Variants in PCDHGA6 observed in about 807,000 individuals in gnomAD.
PCDHGA6 encodes the protein protocadherin gamma subfamily A, 6.
PCDHGA6 carries 41 observed loss-of-function variants against 60.6 expected under a neutral mutation model. That is an observed-to-expected ratio of 0.68 (90% confidence interval 0.53 to 0.88). The LOEUF (loss-of-function observed/expected upper bound fraction) is 0.88. Ranked by LOEUF, PCDHGA6 falls within the 40% of genes least tolerant of loss-of-function variation. PCDHGA6 has a pLI of 0.00. For synonymous variants in PCDHGA6, 594 were observed against 524.4 expected (o/e 1.13, Z -1.81); for missense variants, 1,312 against 1,203.0 (o/e 1.09, Z -1.34).
intron 1 of PCDHGA6, chr5:141,383,056 G>A (rs768364409): frequency 4.3e-6 from 7 of 1,613,906 alleles, no homozygotes; most frequent in Non-Finnish European, 5.9e-6. Context: ...CAAGGACCTG[G>A]GGCTGGAGCC....
At chr5:141,469,362 G>C (rs915161729) in intron 1 of PCDHGA6, among the ~76,000 whole-genome samples, 14 of 152,084 alleles carry the variant, frequency 9.2e-5, no homozygotes, top group Non-Finnish European at 7.4e-5. Flanking sequence ...GGATCATGAG[G>C]TAAAGAGATC....
In PCDHGA6 at chr5:141,485,313, A is replaced by G. The variant is rs758628263; in HGVS notation, c.2425-9494A>G. On this transcript the variant is annotated intron_variant, in intron 1 of 3. Transcript: ENST00000517434. The surrounding 1 kb of genome is among the most constrained non-coding windows in gnomAD (Gnocchi z 5.7). Reference sequence around the variant, plus strand: ...TCACAGGAAGGGACTTTTGTAGGGAATGTCGCTCAAGATTTCCTGCTGGAT... The same window carrying G: ...TCACAGGAAGGGACTTTTGTAGGGAGTGTCGCTCAAGATTTCCTGCTGGAT... 1.2e-6 allele frequency: 2 copies of G among 1,614,186 alleles called. No individual in the cohort carries two copies. Among genetic ancestry groups the G allele is most frequent in the African/African-American group, 1.3e-5 (1 of 75,054 alleles).
At position 141,400,963 on chromosome 5, in the gene PCDHGA6, ATC is replaced by A. The variant is rs563949563; in HGVS notation, c.2424+24460_2424+24461del. ...TTCACTGATTTCACTGGTAGTTTTC[ATC>A]TCTTTCTTATGTTCCTCATATATGC... is the stretch of plus-strand genomic sequence containing the variant. On this transcript the variant is annotated intron_variant, in intron 1 of 3. Coordinates refer to ENST00000517434, the MANE Select transcript of PCDHGA6 (RefSeq NM_018919.3). 3.8e-3 allele frequency among the ~76,000 whole-genome samples: 582 copies of A among 152,338 alleles called. 6 individuals carry two copies. Among genetic ancestry groups the A allele is most frequent in the Admixed American group, 0.011 (171 of 15,304 alleles).
chr5:141,468,868 AAATAAT>A (rs993655754), intron 1 of PCDHGA6, among the ~76,000 whole-genome samples: 1 of 151,794 alleles, frequency 6.6e-6, no homozygotes, highest in Non-Finnish European at 1.5e-5. Context: ...TCCATCTCAA[AAATAAT>A]AATAATAATA....
chr5:141,430,639 A>T, intron 1 of PCDHGA6: 1 of 900,712 alleles, frequency 1.1e-6, no homozygotes. Flanking sequence ...CATCCCTGGG[A>T]GTATGTGGAA....
intron 1 of PCDHGA6, chr5:141,412,431 G>GTTAA (rs1478574285): frequency 6.6e-6 from 1 of 152,132 alleles, no homozygotes; most frequent in African/African-American, 2.4e-5. Context: ...ACACAAAAAG[G>GTTAA]TTAATTAAGG....
chr5:141,431,003 G>T lies in PCDHGA6; in HGVS notation c.2424+54496G>T, dbSNP rs2097334899. ...GCTTTTCGCCCTGAATCCGCGCAGC[G>T]GCAGCTTGGTCACGGCGGGCAGGAT... On this transcript the variant is annotated intron_variant, in intron 1 of 3. Coordinates refer to ENST00000517434, the MANE Select transcript of PCDHGA6 (RefSeq NM_018919.3). This position sits in a 1 kb window ranked among gnomAD's most constrained non-coding sequence, Gnocchi z 4.8. 1.9e-6 allele frequency: 3 copies of T among 1,613,960 alleles called. No homozygotes were observed. The highest frequency in any genetic ancestry group is 2.5e-6 in the Non-Finnish European group (3 of 1,179,982).
chr5:141,432,374 C>A lies in PCDHGA6; in HGVS notation c.2424+55867C>A. 2.5e-6 allele frequency: 4 copies of A among 1,614,240 alleles called. No individual in the cohort carries two copies. Among genetic ancestry groups the A allele is most frequent in the Non-Finnish European group, 3.4e-6 (4 of 1,180,042 alleles). On this transcript the variant is annotated intron_variant, in intron 1 of 3. Coordinates refer to ENST00000517434, the MANE Select transcript of PCDHGA6 (RefSeq NM_018919.3). This position sits in a 1 kb window ranked among gnomAD's most constrained non-coding sequence, Gnocchi z 6.0. ...GAAAGTGATGGCGCGGGACAACGGG[C>A]ACCCGCCCCTCAGCAGCAACGTGTC...
chr5:141,391,929 T>C (rs1035871197), intron 1 of PCDHGA6: 1 of 152,214 alleles, frequency 6.6e-6, no homozygotes, highest in African/African-American at 2.4e-5. Flanking sequence ...ATCTGTACCT[T>C]TCAAGTATTC....
At chr5:141,400,341 C>T in intron 1 of PCDHGA6, 7 of 1,614,070 alleles carry the variant, frequency 4.3e-6, no homozygotes, top group Non-Finnish European at 5.9e-6. Flanking sequence ...TTCCCCCCAA[C>T]TACAGTCAGG....
intron 1 of PCDHGA6, chr5:141,420,083 A>C (rs2096465782): frequency 2.5e-6 from 4 of 1,614,020 alleles, no homozygotes; most frequent in Non-Finnish European, 3.4e-6. Context: ...GGGTCCCCCC[A>C]ACTACAGTGA....
intron 1 of PCDHGA6, chr5:141,478,583 C>CT (rs754743497): frequency 5.7e-6 from 9 of 1,578,146 alleles, no homozygotes; most frequent in South Asian, 1.1e-5. Flanking sequence ...CCTGTTAGTG[C>CT]TTTTTTATTC....
chr5:141,421,047 C>G, intron 1 of PCDHGA6: 1 of 552,794 alleles, frequency 1.8e-6, no homozygotes, highest in Middle Eastern at 4.8e-4. Flanking sequence ...CCTCCCCCGC[C>G]TCTACCACAC....
At chr5:141,382,969 T>G in intron 1 of PCDHGA6, 2 of 1,609,418 alleles carry the variant, frequency 1.2e-6, no homozygotes, top group Non-Finnish European at 8.5e-7. Context: ...GGGGACCCCC[T>G]GGGAAGCCTG....
At position 141,424,020 on chromosome 5, in the gene PCDHGA6, C is replaced by A. The variant is rs1326303938; in HGVS notation, c.2424+47513C>A. ...TATATAGATACAAATTAATGATTCA[C>A]AAACACTTTTTATTTCCATTTCAAT... On this transcript the variant is annotated intron_variant, in intron 1 of 3. Coordinates refer to ENST00000517434, the MANE Select transcript of PCDHGA6 (RefSeq NM_018919.3). 3 of 1,050,122 alleles carry A rather than the reference C, an allele frequency of 2.9e-6. No individual in the cohort carries two copies. In the East Asian group the frequency reaches 2.2e-4, roughly 77 times the overall value. The allele number at this position is 1,050,122 out of a possible 1,614,324, so 65.1% of individuals were successfully genotyped here. A position where few individuals can be genotyped will look rare whatever the true frequency, so the allele number is the denominator to read the frequency against.
intron 1 of PCDHGA6, among the ~76,000 whole-genome samples, chr5:141,402,647 A>C (rs2094289901): frequency 6.6e-6 from 1 of 152,250 alleles, no homozygotes; most frequent in Non-Finnish European, 1.5e-5. Flanking sequence ...TCATAATTAG[A>C]AGAGAGTAGT....
chr5:141,410,352 G>T (rs754268147), intron 1 of PCDHGA6: 4 of 1,614,022 alleles, frequency 2.5e-6, no homozygotes, highest in South Asian at 2.2e-5. Flanking sequence ...CGCCTGCGAC[G>T]CTCTCTCAGC....
chr5:141,491,726 C>T lies in PCDHGA6; in HGVS notation c.2425-3081C>T. On this transcript the variant is annotated intron_variant, in intron 1 of 3. Transcript: ENST00000517434. This position sits in a 1 kb window ranked among gnomAD's most constrained non-coding sequence, Gnocchi z 6.9. ...GTGAGGGGCTCGGCGCCGCCCCGGG[C>T]GACCCCTGGGGGCGGCACTGGAGAA... The T allele has an allele frequency of 6.2e-7, 1 of 1,605,884 alleles. No individual in the cohort carries two copies. Among genetic ancestry groups the T allele is most frequent in the East Asian group, 2.2e-5 (1 of 44,600 alleles).
In PCDHGA6 at chr5:141,477,085, G is replaced by A. The variant is rs1420972762; in HGVS notation, c.2425-17722G>A. On this transcript the variant is annotated intron_variant, in intron 1 of 3. Coordinates refer to ENST00000517434, the MANE Select transcript of PCDHGA6 (RefSeq NM_018919.3). This position sits in a 1 kb window ranked among gnomAD's most constrained non-coding sequence, Gnocchi z 4.9. ...CCAAACTCCATGAGATTTACATCCAGGCCAAAGACAAGGGCGCCAATCCCG... is the reference window on the plus strand; with the variant it reads ...CCAAACTCCATGAGATTTACATCCAAGCCAAAGACAAGGGCGCCAATCCCG... 1 of 1,614,262 alleles carries A rather than the reference G, an allele frequency of 6.2e-7. No individual in the cohort carries two copies. The highest frequency in any genetic ancestry group is 1.7e-5 in the Admixed American group (1 of 60,034).
Sources: gnomAD v4.1 joint callset for allele counts (sites outside exome capture counted in the v4.1 genomes callset) on GRCh38, gnomAD v4.1.1 for gene constraint, Gnocchi (gnomAD v3.1) non-coding constraint, MANE v1.5 for transcripts, NCBI Gene and HGNC (gene_info 2026-07-23, HGNC 2026-07-21) for gene names.